Variants in DNAAF9 observed in about 807,000 individuals in gnomAD.
DNAAF9 encodes dynein axonemal assembly factor 9.
In DNAAF9, 90 loss-of-function variants were observed where a neutral mutation model predicts 167.0. The ratio of observed to expected loss-of-function variants is 0.54; its 90% CI spans 0.45 to 0.64. DNAAF9 has a LOEUF of 0.64. Ranked by LOEUF, DNAAF9 falls within the 30% of genes least tolerant of loss-of-function variation. DNAAF9 has a pLI of 0.00. For synonymous variants in DNAAF9, 491 were observed against 508.8 expected (o/e 0.96, Z 0.47); for missense variants, 1,315 against 1,442.2 (o/e 0.91, Z 1.43).
chr20:3,295,768 T>C, intron 23 of DNAAF9: 1 of 744,604 alleles, frequency 1.3e-6, no homozygotes, highest in South Asian at 1.3e-5. Flanking sequence ...AAGTCCTCCT[T>C]GTCCTGCAAA....
intron 30 of DNAAF9, among the ~76,000 whole-genome samples, chr20:3,270,007 A>AT (rs2122803817): frequency 6.7e-6 from 1 of 149,956 alleles, no homozygotes; most frequent in East Asian, 2.0e-4. Flanking sequence ...TTTCCAATAT[A>AT]TTTTTTCTTT....
chr20:3,386,479 G>C (rs185362014), intron 1 of DNAAF9, among the ~76,000 whole-genome samples: 10 of 152,218 alleles, frequency 6.6e-5, no homozygotes, highest in African/African-American at 2.4e-4. Context: ...TTAAAGCATA[G>C]ATCTAAATGG....
chr20:3,366,845 A>G lies in DNAAF9; in HGVS notation c.612+7203T>C, dbSNP rs2083438524. Among the ~76,000 whole-genome samples the G allele has an allele frequency of 2.0e-5, 3 of 151,732 alleles. No homozygotes were observed. The South Asian group carries it at 6.2e-4, about 32-fold the overall frequency. ...GAGGCTGAGGTGGGAGGATGGCTTG[A>G]GTTTGGGAGGTCAAGGCTACACTGA... On this transcript the variant is annotated intron_variant, in intron 6 of 36. Transcript: ENST00000252032.
At chr20:3,301,291 G>A (rs572289878) in intron 21 of DNAAF9, among the ~76,000 whole-genome samples, 2 of 151,676 alleles carry the variant, frequency 1.3e-5, no homozygotes, top group South Asian at 2.1e-4. Context: ...AGGTTCAAGC[G>A]ATTTTCCTGC....
chr20:3,287,493 T>C, intron 27 of DNAAF9, 139 bp downstream of exon 27: 1 of 811,828 alleles, frequency 1.2e-6, no homozygotes, highest in Admixed American at 2.1e-5. Flanking sequence ...CATTGCTCGC[T>C]TAAGGCTTCT....
chr20:3,259,533 G>C lies in DNAAF9; in HGVS notation c.3002C>G (p.Pro1001Arg), dbSNP rs780504570. 6.2e-7 allele frequency: 1 copy of C among 1,612,626 alleles called. No individual in the cohort carries two copies. Among genetic ancestry groups the C allele is most frequent in the East Asian group, 2.2e-5 (1 of 44,874 alleles). ...KCKAIQSSIKPSPFSGNIYHI... is the reference protein window; with the variant it reads ...KCKAIQSSIKRSPFSGNIYHI... Reference sequence around the variant, plus strand: ...GTAGATGTTTCCGGAGAAGGGACTTGGCTTGATGGAGGACTGAATTGCTGG... The same window carrying C: ...GTAGATGTTTCCGGAGAAGGGACTTCGCTTGATGGAGGACTGAATTGCTGG... Residue 1001 changes from proline to arginine, a missense_variant, in exon 33 of 37, where the codon CCA becomes CGA. Around this residue, in one of 2 missense-constraint regions of DNAAF9, gnomAD observed 334 missense variants for 429.7 expected, o/e 0.78. Transcript: ENST00000252032.
intron 1 of DNAAF9, among the ~76,000 whole-genome samples, chr20:3,394,301 G>T (rs1006071975): frequency 3.4e-5 from 5 of 149,052 alleles, no homozygotes; most frequent in African/African-American, 1.0e-4. Context: ...TCATGCCATT[G>T]CACTCCCGGC....
chr20:3,385,682 T>C (rs111676925), intron 1 of DNAAF9, among the ~76,000 whole-genome samples: 204 of 152,322 alleles, frequency 1.3e-3, no homozygotes, highest in African/African-American at 4.5e-3. Context: ...TCCTCCCACC[T>C]TGGCCTTCCA....
chr20:3,280,610 G>C (rs890052885), intron 28 of DNAAF9, among the ~76,000 whole-genome samples: 3 of 151,832 alleles, frequency 2.0e-5, no homozygotes, highest in African/African-American at 7.3e-5. Flanking sequence ...CTGTTCAGTT[G>C]GTGAAGGAAG....
At chr20:3,284,674 T>C (rs1280628555) in intron 27 of DNAAF9, among the ~76,000 whole-genome samples, 1 of 152,194 alleles carries the variant, frequency 6.6e-6, no homozygotes, top group African/African-American at 2.4e-5. Flanking sequence ...TTGGGCTCAG[T>C]TTTATGTTTG....
rs1410947329 is a variant in DNAAF9, at chr20:3,250,468, T to G, written c.*2104A>C. ...AGAGGCCTCAGCCAGTTTTGCCTTTTTGGCTTTGATGCTTCTTCACGTTTT... is the reference window on the plus strand; with the variant it reads ...AGAGGCCTCAGCCAGTTTTGCCTTTGTGGCTTTGATGCTTCTTCACGTTTT... On this transcript the variant is annotated 3_prime_UTR_variant, in exon 37 of 37. Transcript: ENST00000252032. The G allele has an allele frequency of 6.6e-6, 1 of 152,266 alleles. No individual in the cohort carries two copies. Among genetic ancestry groups the G allele is most frequent in the African/African-American group, 2.4e-5 (1 of 41,464 alleles). The allele number at this position is 152,266 out of a possible 1,614,324, so 9.4% of individuals were successfully genotyped here. A position where few individuals can be genotyped will look rare whatever the true frequency, so the allele number is the denominator to read the frequency against.
At chr20:3,356,941 C>T (rs962036052) in intron 7 of DNAAF9, among the ~76,000 whole-genome samples, 15 of 152,146 alleles carry the variant, frequency 9.9e-5, no homozygotes, top group African/African-American at 3.6e-4. Flanking sequence ...ATATAACCTA[C>T]CACAATTAAG....
At chr20:3,257,243 G>T (rs2068297580) in intron 33 of DNAAF9, among the ~76,000 whole-genome samples, 1 of 152,028 alleles carries the variant, frequency 6.6e-6, no homozygotes, top group Admixed American at 6.6e-5. Context: ...TGGGTGTGGT[G>T]GCTAATACCT....
At position 3,375,029 on chromosome 20, in the gene DNAAF9, C is replaced by G. The variant is rs375651936; in HGVS notation, c.505+1G>C. On this transcript the variant is annotated splice_donor_variant, in intron 5 of 36. Transcript: ENST00000252032. LOFTEE classifies it high-confidence loss of function. ...TAGAAGGCTTGCTGTCAGATACTCACCTTGGGAGCTGTAAGGAATGCCAAT... is the reference window on the plus strand; with the variant it reads ...TAGAAGGCTTGCTGTCAGATACTCAGCTTGGGAGCTGTAAGGAATGCCAAT... 1 of 1,545,528 alleles carries G rather than the reference C, an allele frequency of 6.5e-7. No individual in the cohort carries two copies. The highest frequency in any genetic ancestry group is 1.4e-5 in the African/African-American group (1 of 73,500).
intron 7 of DNAAF9, among the ~76,000 whole-genome samples, chr20:3,358,798 T>C (rs6051788): frequency 0.63 from 96,356 of 152,042 alleles, 30,776 homozygotes; most frequent in South Asian, 0.69. Context: ...ACTGAAGCTC[T>C]TTGGTGAAAT....
In DNAAF9 at chr20:3,374,058, A is replaced by G; in HGVS notation, c.602T>C (p.Met201Thr). The G allele has an allele frequency of 6.2e-7, 1 of 1,606,714 alleles. No individual in the cohort carries two copies. Among genetic ancestry groups the G allele is most frequent in the Non-Finnish European group, 8.5e-7 (1 of 1,173,252 alleles). ...EGIGGDGFFT[M>T]KYELQDVSLN... ...GCTTTTCATACATACCTCATATTTC[A>G]TGGTAAAAAATCCATCCCCTCCAAT... Residue 201 changes from methionine (M) to threonine (T), a missense_variant, in exon 6 of 37, where the codon ATG (methionine) becomes ACG (threonine). Met to Thr is a moderately conservative substitution (Grantham distance 81). Around this residue, in one of 2 missense-constraint regions of DNAAF9, gnomAD observed 981 missense variants for 1,012.5 expected, o/e 0.97. Transcript: ENST00000252032.
intron 20 of DNAAF9, chr20:3,306,764 T>C (rs2122997949): frequency 4.1e-6 from 1 of 242,952 alleles, no homozygotes; most frequent in South Asian, 1.5e-4. Context: ...TGCTGCCCCG[T>C]AGCCTGTTCA....
rs74409894 is a variant in DNAAF9, at chr20:3,297,216, C to T, written c.1930-267G>A. ...GAGAAAGGGGTCGGGTAACACTGTCCTAGCAGCAGACGCATGTTCTCCTCT... is the reference window on the plus strand; with the variant it reads ...GAGAAAGGGGTCGGGTAACACTGTCTTAGCAGCAGACGCATGTTCTCCTCT... On this transcript the variant is annotated intron_variant, in intron 22 of 36. Transcript: ENST00000252032. Among the ~76,000 whole-genome samples, 879 of 152,246 alleles carry T rather than the reference C, an allele frequency of 5.8e-3. 6 individuals are homozygous for T. Among genetic ancestry groups the T allele is most frequent in the African/African-American group, 0.02 (819 of 41,550 alleles).
Position 3,252,565 on chromosome 20 carries a change from C to G in DNAAF9, c.*7G>C. On this transcript the variant is annotated 3_prime_UTR_variant, in exon 37 of 37. Transcript: ENST00000252032. ...CATTCTGCAGGACGTACGGGCCCAG[C>G]CTTCCTCTAGGGCTTCAGCTCAAAG... 6.7e-7 allele frequency: 1 copy of G among 1,483,900 alleles called. No individual in the cohort carries two copies. The highest frequency in any genetic ancestry group is 9.4e-7 in the Non-Finnish European group (1 of 1,061,086). 91.9% of individuals were successfully genotyped at this position (1,483,900 alleles called of 1,614,324 possible). A position where few individuals can be genotyped will look rare whatever the true frequency, so the allele number is the denominator to read the frequency against.
Sources: gnomAD v4.1 joint callset for allele counts (sites outside exome capture counted in the v4.1 genomes callset) on GRCh38, gnomAD v4.1.1 for gene constraint, gnomAD v4.1.1 regional missense constraint, MANE v1.5 for transcripts, NCBI Gene and HGNC (gene_info 2026-07-23, HGNC 2026-07-21) for gene names.